The following DPYD variants were observed in gnomAD, a reference collection of about 807,000 sequenced individuals.
DPYD encodes dihydropyrimidine dehydrogenase [NADP(+)].
A neutral mutation model predicts 116.2 loss-of-function variants in DPYD; 109 were observed. The observed-to-expected ratio is 0.94, with a 90% CI of 0.80 to 1.10. DPYD has a LOEUF of 1.10. DPYD is among the 50% of genes least tolerant of loss of function. The probability of loss-of-function intolerance (pLI) is 0.00; values close to 1 mark genes in which losing one functional copy is unlikely to be tolerated. For synonymous variants in DPYD, 440 were observed against 432.0 expected, an observed-to-expected ratio of 1.02 and a Z score of -0.23; for missense variants, 1,302 against 1,254.5, an observed-to-expected ratio of 1.04 and a Z score of -0.57.
chr1:97,776,667 C>G (rs1290593849), intron 3 of DPYD, among the ~76,000 whole-genome samples: 3 of 152,156 alleles, frequency 2.0e-5, no homozygotes, highest in Non-Finnish European at 4.4e-5. Flanking sequence ...CTAAAAAAGA[C>G]AGAGAAACTG....
At chr1:97,666,333 T>C (rs1297727321) in intron 8 of DPYD, among the ~76,000 whole-genome samples, 1 of 152,032 alleles carries the variant, frequency 6.6e-6, no homozygotes, top group East Asian at 1.9e-4. Context: ...GCGAATTTTT[T>C]CTTTTTGTAG....
chr1:97,795,837 T>C (rs1667544874), intron 3 of DPYD, among the ~76,000 whole-genome samples: 1 of 151,974 alleles, frequency 6.6e-6, no homozygotes, highest in Non-Finnish European at 1.5e-5. Flanking sequence ...CTCATTTTGT[T>C]GTGCCCTAGG....
At chr1:97,216,663 C>T (rs535396482) in intron 19 of DPYD, among the ~76,000 whole-genome samples, 2 of 151,678 alleles carry the variant, frequency 1.3e-5, no homozygotes, top group East Asian at 2.0e-4. Flanking sequence ...GATGTGGTGG[C>T]GGGCACCTGT....
In DPYD at chr1:97,762,975, T is replaced by C. The variant is rs139797446; in HGVS notation, c.234-22496A>G. Reference sequence around the variant, plus strand: ...AAGCTCCTTCTTCCTAGAGTTATTATGAGGAACAAAGGAGATTAAGTCTCT... The same window carrying C: ...AAGCTCCTTCTTCCTAGAGTTATTACGAGGAACAAAGGAGATTAAGTCTCT... On this transcript the variant is annotated intron_variant, in intron 3 of 22. Coordinates refer to ENST00000370192, the MANE Select transcript of DPYD (RefSeq NM_000110.4). Among the ~76,000 whole-genome samples the C allele has an allele frequency of 1.6e-4, 25 of 152,224 alleles. No individual in the cohort carries two copies. In the East Asian group the frequency reaches 4.2e-3, roughly 26 times the overall value.
chr1:97,914,033 T>C (rs1253700793), intron 1 of DPYD, among the ~76,000 whole-genome samples: 1 of 152,094 alleles, frequency 6.6e-6, no homozygotes, highest in East Asian at 1.9e-4. Flanking sequence ...TCATAAGTGC[T>C]TATAATATCA....
intron 20 of DPYD, among the ~76,000 whole-genome samples, chr1:97,133,725 C>T (rs974269720): frequency 2.6e-5 from 4 of 151,586 alleles, no homozygotes; most frequent in Non-Finnish European, 5.9e-5. Flanking sequence ...AGGCCTGGTG[C>T]GGTGGTTCAC....
At chr1:97,776,732 T>C (rs1199611256) in intron 3 of DPYD, among the ~76,000 whole-genome samples, 4 of 152,202 alleles carry the variant, frequency 2.6e-5, no homozygotes, top group Non-Finnish European at 5.9e-5. Context: ...AGGCAGAGTA[T>C]TGAAGCATTT....
At chr1:97,179,946 C>T (rs1657539527) in intron 20 of DPYD, among the ~76,000 whole-genome samples, 1 of 152,112 alleles carries the variant, frequency 6.6e-6, no homozygotes, top group Non-Finnish European at 1.5e-5. Context: ...ATGGATATTT[C>T]ATCTGAATGT....
chr1:97,354,569 CAT>C (rs1475814200), intron 16 of DPYD, among the ~76,000 whole-genome samples: 18 of 152,008 alleles, frequency 1.2e-4, no homozygotes, highest in Non-Finnish European at 2.2e-4. Flanking sequence ...AGAAATCAGA[CAT>C]GTGAAGCTTA....
chr1:97,081,983 G>C (rs1265728945), intron 22 of DPYD, among the ~76,000 whole-genome samples: 4 of 152,070 alleles, frequency 2.6e-5, no homozygotes, highest in African/African-American at 9.7e-5. Context: ...ATAAATGGTA[G>C]TTCTGTTCCC....
intron 8 of DPYD, among the ~76,000 whole-genome samples, chr1:97,670,186 C>A (rs1659780934): frequency 6.6e-6 from 1 of 152,064 alleles, no homozygotes; most frequent in Admixed American, 6.6e-5. Context: ...GTTAAGTATC[C>A]TAAAATTTAT....
chr1:97,589,086 C>T (rs1472234697), intron 10 of DPYD, among the ~76,000 whole-genome samples: 2 of 152,162 alleles, frequency 1.3e-5, no homozygotes, highest in Admixed American at 1.3e-4. Flanking sequence ...GTTTAACAAG[C>T]CCTCTAGGTG....
At chr1:97,418,845 A>G (rs1308518991) in intron 14 of DPYD, among the ~76,000 whole-genome samples, 1 of 152,184 alleles carries the variant, frequency 6.6e-6, no homozygotes, top group Non-Finnish European at 1.5e-5. Flanking sequence ...ACTAAATTGC[A>G]TTAATGGACA....
intron 11 of DPYD, among the ~76,000 whole-genome samples, chr1:97,551,477 A>G (rs1416822865): frequency 6.6e-6 from 1 of 152,130 alleles, no homozygotes; most frequent in Non-Finnish European, 1.5e-5. Context: ...GCAAGGGGTA[A>G]AAATGAATTC....
chr1:97,109,948 C>T (rs1285403649), intron 20 of DPYD, among the ~76,000 whole-genome samples: 1 of 151,856 alleles, frequency 6.6e-6, no homozygotes, highest in African/African-American at 2.4e-5. Flanking sequence ...CAGAGTGCTC[C>T]ACAAATAATA....
chr1:97,228,386 T>TA (rs1661335937), intron 19 of DPYD, among the ~76,000 whole-genome samples: 1 of 152,176 alleles, frequency 6.6e-6, no homozygotes, highest in Non-Finnish European at 1.5e-5. Context: ...TTTACAAACA[T>TA]AGATTCATTT....
intron 1 of DPYD, 93 bp from the exon 2 acceptor site, chr1:97,883,467 C>G (rs891539234): frequency 1.4e-5 from 13 of 957,996 alleles, no homozygotes; most frequent in Non-Finnish European, 2.1e-5. Flanking sequence ...TTTTGAGACA[C>G]GGTCTCTCTC....
chr1:97,814,233 G>T (rs1668470744), intron 3 of DPYD, among the ~76,000 whole-genome samples: 1 of 152,136 alleles, frequency 6.6e-6, no homozygotes, highest in Admixed American at 6.6e-5. Context: ...AAGACGGTTG[G>T]TCAGAAGCTT....
At chr1:97,693,123 T>C (rs1250831674) in intron 6 of DPYD, among the ~76,000 whole-genome samples, 2 of 151,350 alleles carry the variant, frequency 1.3e-5, no homozygotes, top group Non-Finnish European at 2.9e-5. Flanking sequence ...ACCCCGTCTC[T>C]ACTAAAAATA....
Sources: gnomAD v4.1 joint callset for allele counts (sites outside exome capture counted in the v4.1 genomes callset) on GRCh38, gnomAD v4.1.1 for gene constraint, MANE v1.5 for transcripts, NCBI Gene and HGNC (gene_info 2026-07-23, HGNC 2026-07-21) for gene names.